TENM4: variants seen among roughly 807,000 people sequenced by gnomAD.
The protein encoded by TENM4 is teneurin transmembrane protein 4.
In TENM4, 82 loss-of-function variants were observed where a neutral mutation model predicts 243.3. The observed-to-expected ratio is 0.34, with a 90% CI of 0.28 to 0.40. TENM4 has a LOEUF of 0.40. Ranked by LOEUF, TENM4 falls within the 10% of genes least tolerant of loss-of-function variation. The pLI is 1.00. For missense variants in TENM4, 3,138 were observed against 3,673.3 expected (o/e 0.85, Z 3.77); for synonymous variants, 1,412 against 1,456.3 (o/e 0.97, Z 0.69).
At chr11:78,738,949 C>G (rs552092119) in intron 19 of TENM4, among the ~76,000 whole-genome samples, 1 of 151,780 alleles carries the variant, frequency 6.6e-6, no homozygotes, top group African/African-American at 2.4e-5. Flanking sequence ...TCCTAGCTCT[C>G]TGAACTTCAG....
chr11:78,857,968 C>T (rs1858717904), intron 10 of TENM4, among the ~76,000 whole-genome samples: 1 of 152,160 alleles, frequency 6.6e-6, no homozygotes, highest in Non-Finnish European at 1.5e-5. Flanking sequence ...GCTTTTTCCT[C>T]CTAGAAACTG....
At chr11:78,675,798 T>G (rs886242819) in intron 30 of TENM4, among the ~76,000 whole-genome samples, 5 of 152,206 alleles carry the variant, frequency 3.3e-5, no homozygotes, top group African/African-American at 1.2e-4. Flanking sequence ...CTAAGATGCT[T>G]AATATATTAC....
chr11:79,301,734 G>A (rs1286299575), intron 1 of TENM4, among the ~76,000 whole-genome samples: 1 of 152,158 alleles, frequency 6.6e-6, no homozygotes, highest in African/African-American at 2.4e-5. Context: ...GAATGGTTTA[G>A]CACTATCCTC....
At chr11:78,801,329 G>C (rs1857278325) in intron 15 of TENM4, among the ~76,000 whole-genome samples, 1 of 152,196 alleles carries the variant, frequency 6.6e-6, no homozygotes, top group Non-Finnish European at 1.5e-5. Flanking sequence ...GACTCAGGAA[G>C]TGAAGTCCCA....
Position 78,658,381 on chromosome 11 carries a change from A to C in TENM4, c.7987T>G (p.Tyr2663Asp). ...NTVLNGRTRRYTDIQLQYGAL... is the reference protein window; with the variant it reads ...NTVLNGRTRRDTDIQLQYGAL... ...CCGTACTGGAGCTGGATGTCTGTGT[A>C]GCGTCTAGTCCTGCCATTAAGTACT... The change falls in exon 34 of 34, where the codon TAC becomes GAC. Residue 2663 changes from tyrosine to aspartate, a missense_variant. Physicochemically the swap from Tyr to Asp is radical, Grantham distance 160. Transcript: ENST00000278550. 1 of 1,614,014 alleles carries C rather than the reference A, an allele frequency of 6.2e-7. No homozygotes were observed. Among genetic ancestry groups the C allele is most frequent in the South Asian group, 1.1e-5 (1 of 91,082 alleles).
intron 6 of TENM4, among the ~76,000 whole-genome samples, chr11:79,032,504 TAA>T (rs542855098): frequency 4.3e-4 from 65 of 152,244 alleles, no homozygotes; most frequent in Non-Finnish European, 8.4e-4. Flanking sequence ...TCTGGTGATA[TAA>T]GTTTCTAAAA....
At chr11:79,003,468 C>T (rs1214814918) in intron 6 of TENM4, among the ~76,000 whole-genome samples, 2 of 152,124 alleles carry the variant, frequency 1.3e-5, no homozygotes, top group Non-Finnish European at 2.9e-5. Flanking sequence ...GCAGAAATCC[C>T]ACAAGCCTGA....
At chr11:79,324,754 C>G (rs1856946301) in intron 1 of TENM4, among the ~76,000 whole-genome samples, 4 of 152,158 alleles carry the variant, frequency 2.6e-5, no homozygotes, top group Admixed American at 1.3e-4. Context: ...GGGCTAAGAA[C>G]TCTTGATTAT....
At chr11:79,419,759 C>T (rs148229309) in intron 1 of TENM4, among the ~76,000 whole-genome samples, 124 of 152,306 alleles carry the variant, frequency 8.1e-4, no homozygotes, top group African/African-American at 2.9e-3. Flanking sequence ...TGTCAGACAT[C>T]ATCCACATCT....
chr11:79,399,621 A>G (rs1858415254), intron 1 of TENM4, among the ~76,000 whole-genome samples: 1 of 152,168 alleles, frequency 6.6e-6, no homozygotes, highest in Non-Finnish European at 1.5e-5. Flanking sequence ...GCTTGAATAC[A>G]TTTGTTTATT....
chr11:78,978,345 A>C (rs377567528), intron 6 of TENM4, among the ~76,000 whole-genome samples: 1,599 of 110,468 alleles, frequency 0.014, 30 homozygotes, highest in African/African-American at 0.046. Flanking sequence ...CAGAACTTAA[A>C]GTAAGAAAAG....
chr11:79,193,667 G>A (rs148801156), intron 3 of TENM4, among the ~76,000 whole-genome samples: 380 of 152,306 alleles, frequency 2.5e-3, no homozygotes, highest in African/African-American at 8.1e-3. Flanking sequence ...TTACCAAAGA[G>A]TGAAGCACAG....
chr11:79,276,854 G>T (rs1856065103), intron 2 of TENM4, among the ~76,000 whole-genome samples: 1 of 152,100 alleles, frequency 6.6e-6, no homozygotes, highest in Admixed American at 6.6e-5. Flanking sequence ...ACAGAGAGAA[G>T]GGGAGACCTA....
intron 19 of TENM4, among the ~76,000 whole-genome samples, chr11:78,752,436 C>T (rs1258144765): frequency 5.9e-5 from 9 of 152,306 alleles, no homozygotes; most frequent in South Asian, 2.1e-4. Flanking sequence ...ACTTGAGGCT[C>T]CCTGAGGCTG....
At chr11:79,285,526 A>G (rs1856235063) in intron 2 of TENM4, among the ~76,000 whole-genome samples, 1 of 152,172 alleles carries the variant, frequency 6.6e-6, no homozygotes, top group Non-Finnish European at 1.5e-5. Flanking sequence ...CAAAGAACTG[A>G]AATTTATGTC....
intron 6 of TENM4, among the ~76,000 whole-genome samples, chr11:78,962,767 C>T (rs1857357827): frequency 6.6e-6 from 1 of 152,250 alleles, no homozygotes; most frequent in African/African-American, 2.4e-5. Context: ...CCCCTATAAG[C>T]TGGCCATTCT....
chr11:78,795,180 C>A (rs955634690), intron 15 of TENM4, among the ~76,000 whole-genome samples: 2 of 152,210 alleles, frequency 1.3e-5, no homozygotes, highest in Non-Finnish European at 2.9e-5. Context: ...AGGAGTTTCA[C>A]CTTCTGCCTT....
At chr11:79,252,579 C>A (rs1289530554) in intron 2 of TENM4, among the ~76,000 whole-genome samples, 14 of 152,194 alleles carry the variant, frequency 9.2e-5, no homozygotes, top group Admixed American at 9.2e-4. Context: ...AAAACTAGGG[C>A]AACTACTGGG....
At chr11:79,109,010 C>G (rs1861440514) in intron 4 of TENM4, among the ~76,000 whole-genome samples, 1 of 152,148 alleles carries the variant, frequency 6.6e-6, no homozygotes, top group Middle Eastern at 3.2e-3. Flanking sequence ...TGGGATAATT[C>G]CATCTCCTCG....
Sources: gnomAD v4.1 joint callset for allele counts (sites outside exome capture counted in the v4.1 genomes callset) on GRCh38, gnomAD v4.1.1 for gene constraint, MANE v1.5 for transcripts, NCBI Gene and HGNC (gene_info 2026-07-23, HGNC 2026-07-21) for gene names.